The following PDE10A variants were observed in gnomAD, a reference collection of about 807,000 sequenced individuals.
PDE10A encodes phosphodiesterase 10A.
Under a neutral mutation model 97.7 loss-of-function variants are expected in PDE10A, and 39 were observed. The observed-to-expected ratio is 0.40, with a 90% CI of 0.31 to 0.52. The LOEUF (loss-of-function observed/expected upper bound fraction) is 0.52, where lower values mean the gene tolerates loss of function less well. PDE10A is among the 20% of genes least tolerant of loss of function. PDE10A has a pLI of 0.56. For synonymous variants in PDE10A, 371 were observed against 376.8 expected (o/e 0.98, Z 0.18); for missense variants, 731 against 1,047.8 (o/e 0.70, Z 4.17).
At chr6:165,603,159 T>A (rs1221719541) in intron 1 of PDE10A, among the ~76,000 whole-genome samples, 2 of 152,196 alleles carry the variant, frequency 1.3e-5, no homozygotes, top group Non-Finnish European at 2.9e-5. Context: ...TTAGAAAATA[T>A]ATTGTCCAAA....
chr6:165,338,536 G>C (rs1327547003), intron 20 of PDE10A, among the ~76,000 whole-genome samples: 1 of 151,968 alleles, frequency 6.6e-6, no homozygotes, highest in Non-Finnish European at 1.5e-5. Flanking sequence ...CCTGAAAAGA[G>C]GATAATTAAT....
chr6:165,550,798 A>G (rs1443726494), intron 1 of PDE10A, among the ~76,000 whole-genome samples: 2 of 152,242 alleles, frequency 1.3e-5, no homozygotes, highest in African/African-American at 2.4e-5. Context: ...ATGAGCAGAC[A>G]GTGCATCCTC....
chr6:165,713,672 C>T (rs1176976207), intron 1 of PDE10A, among the ~76,000 whole-genome samples: 3 of 152,180 alleles, frequency 2.0e-5, no homozygotes, highest in Non-Finnish European at 2.9e-5. Flanking sequence ...AAAAAATGTT[C>T]GATCCAGTCC....
At chr6:165,610,530 C>CAAAAAAAAA (rs201763144) in intron 1 of PDE10A, among the ~76,000 whole-genome samples, 1 of 55,104 alleles carries the variant, frequency 1.8e-5, no homozygotes, top group Non-Finnish European at 3.8e-5. Context: ...GACTCCGTCT[C>CAAAAAAAAA]AAAAAAAAAA....
chr6:165,799,731 T>C (rs368296816), intron 1 of PDE10A, among the ~76,000 whole-genome samples: 17 of 152,314 alleles, frequency 1.1e-4, no homozygotes, highest in African/African-American at 3.4e-4. Flanking sequence ...AACAAATAAG[T>C]TCAGTAAACT....
intron 1 of PDE10A, among the ~76,000 whole-genome samples, chr6:165,646,721 A>G (rs1205807660): frequency 1.3e-5 from 2 of 152,142 alleles, no homozygotes; most frequent in Non-Finnish European, 2.9e-5. Flanking sequence ...TGCTCCAAAC[A>G]CAGTTCCGGG....
In PDE10A at chr6:165,661,614, G is replaced by A. The variant is rs931376560; in HGVS notation, c.865+333C>T. The A allele has an allele frequency of 2.0e-5, 6 of 307,562 alleles. No individual in the cohort carries two copies. The highest frequency in any genetic ancestry group is 6.7e-5 in the East Asian group (1 of 15,002). 19.1% of individuals were successfully genotyped at this position (307,562 alleles called of 1,614,324 possible). A position where few individuals can be genotyped will look rare whatever the true frequency, so the allele number is the denominator to read the frequency against. On this transcript the variant is annotated intron_variant, in intron 1 of 21. Transcript: ENST00000539869. This position sits in a 1 kb window ranked among gnomAD's most constrained non-coding sequence, Gnocchi z 4.8. ...ACAAAGTTGAGTATAAATACGCGCC[G>A]GACAAGTGTGGCCAGAAACGGCACG...
intron 1 of PDE10A, among the ~76,000 whole-genome samples, chr6:165,797,714 A>G (rs957011752): frequency 3.9e-5 from 6 of 152,328 alleles, no homozygotes; most frequent in Non-Finnish European, 5.9e-5. Flanking sequence ...GAAATGATGA[A>G]AGCATTATAA....
At chr6:165,707,676 C>T (rs1433769480) in intron 1 of PDE10A, among the ~76,000 whole-genome samples, 4 of 151,144 alleles carry the variant, frequency 2.6e-5, no homozygotes, top group Non-Finnish European at 5.9e-5. Flanking sequence ...TGTGTGTAAG[C>T]GTATGTGAGC....
chr6:165,959,406 T>C (rs1784292459), intron 1 of PDE10A, among the ~76,000 whole-genome samples: 3 of 152,146 alleles, frequency 2.0e-5, no homozygotes, highest in African/African-American at 4.8e-5. Flanking sequence ...TGTGAACATA[T>C]AGGAAAAGTC....
chr6:165,735,823 C>T (rs1392452835), intron 1 of PDE10A, among the ~76,000 whole-genome samples: 2 of 152,174 alleles, frequency 1.3e-5, no homozygotes, highest in Admixed American at 6.5e-5. Flanking sequence ...TGGGCATCTG[C>T]CCTGGCCCAG....
chr6:165,883,688 G>A (rs562535396), intron 1 of PDE10A, among the ~76,000 whole-genome samples: 3 of 152,034 alleles, frequency 2.0e-5, no homozygotes, highest in Non-Finnish European at 4.4e-5. Flanking sequence ...TGGCAGAGGC[G>A]GGCTTGCTGG....
intron 3 of PDE10A, among the ~76,000 whole-genome samples, chr6:165,465,483 A>C (rs1432299041): frequency 6.6e-6 from 1 of 152,218 alleles, no homozygotes; most frequent in East Asian, 1.9e-4. Context: ...AGCTGTTTCA[A>C]AGGATTACAA....
At chr6:165,845,200 T>C (rs1253205423) in intron 1 of PDE10A, among the ~76,000 whole-genome samples, 1 of 152,216 alleles carries the variant, frequency 6.6e-6, no homozygotes, top group Middle Eastern at 3.2e-3. Context: ...ACGGTTTCAA[T>C]GTTACAGGGT....
At position 165,339,263 on chromosome 6, in the gene PDE10A, T is replaced by G. The variant is rs752861649; in HGVS notation, c.2976+15A>C. The stretch of plus-strand genomic sequence containing the variant: ...TTTGGCTTTAGCAATTACAATTTAC[T>G]TTAATAATTCATACCTGGCCTTGGG... On this transcript the variant is annotated intron_variant, in intron 20 of 21. Transcript: ENST00000539869. 6 of 1,493,726 alleles carry G rather than the reference T, an allele frequency of 4.0e-6. No homozygotes were observed. The Admixed American group carries it at 8.4e-5, about 21-fold the overall frequency. 92.5% of individuals were successfully genotyped at this position (1,493,726 alleles called of 1,614,324 possible).
At chr6:165,843,552 G>A (rs1005289549) in intron 1 of PDE10A, among the ~76,000 whole-genome samples, 6 of 152,182 alleles carry the variant, frequency 3.9e-5, no homozygotes, top group Admixed American at 6.5e-5. Flanking sequence ...TGCTGGCTGC[G>A]TCCTCAATGG....
chr6:165,812,904 G>C (rs1231028304), intron 1 of PDE10A, among the ~76,000 whole-genome samples: 2 of 152,096 alleles, frequency 1.3e-5, no homozygotes, highest in Non-Finnish European at 2.9e-5. Flanking sequence ...ATTAGATCAG[G>C]TTTCATGGAC....
intron 1 of PDE10A, among the ~76,000 whole-genome samples, chr6:165,836,064 T>C (rs1483779537): frequency 6.6e-6 from 1 of 152,138 alleles, no homozygotes; most frequent in African/African-American, 2.4e-5. Flanking sequence ...CTAAAACGCT[T>C]TCGCTGTTTT....
intron 1 of PDE10A, among the ~76,000 whole-genome samples, chr6:165,758,518 A>G (rs1793172850): frequency 7.6e-6 from 1 of 130,834 alleles, no homozygotes; most frequent in Non-Finnish European, 1.8e-5. Context: ...AGAAAGAAGA[A>G]GAAGAAGAAG....
Sources: gnomAD v4.1 joint callset for allele counts (sites outside exome capture counted in the v4.1 genomes callset) on GRCh38, gnomAD v4.1.1 for gene constraint, Gnocchi (gnomAD v3.1) non-coding constraint, MANE v1.5 for transcripts, NCBI Gene and HGNC (gene_info 2026-07-23, HGNC 2026-07-21) for gene names.